Variants in TGFBI observed in about 807,000 individuals in gnomAD.
The protein encoded by TGFBI is transforming growth factor-beta-induced protein ig-h3.
A neutral mutation model predicts 73.7 loss-of-function variants in TGFBI; 50 were observed. That is an observed-to-expected ratio of 0.68 (90% CI 0.54 to 0.86). The LOEUF (loss-of-function observed/expected upper bound fraction) is 0.86. TGFBI is among the 40% of genes least tolerant of loss of function. The probability of loss-of-function intolerance (pLI) is 0.00; values close to 1 mark genes in which losing one functional copy is unlikely to be tolerated. For synonymous variants in TGFBI, 362 were observed against 360.5 expected (o/e 1.00, Z -0.05); for missense variants, 839 against 877.0 (o/e 0.96, Z 0.55).
chr5:136,057,160 T>A (rs1280559151), intron 12 of TGFBI, among the ~76,000 whole-genome samples: 1 of 152,150 alleles, frequency 6.6e-6, no homozygotes, highest in Admixed American at 6.5e-5. Context: ...ACAGTTGCCA[T>A]CTGGGTCTCT....
At chr5:136,052,807 C>T (rs1379470672) in intron 7 of TGFBI, 100 bp from the exon 8 acceptor site, 2 of 1,192,336 alleles carry the variant, frequency 1.7e-6, no homozygotes, top group Non-Finnish European at 2.4e-6. Flanking sequence ...GGGTCCTCAT[C>T]TGAGAGAACA....
intron 1 of TGFBI, 113 bp downstream of exon 1, chr5:136,029,302 T>C: frequency 3.2e-6 from 4 of 1,248,042 alleles, no homozygotes; most frequent in Non-Finnish European, 4.2e-6. Flanking sequence ...AAGCCCGAAC[T>C]AAAAACCTTG....
Position 136,063,316 on chromosome 5 carries a change from C to G in TGFBI, c.*90C>G. On this transcript the variant is annotated 3_prime_UTR_variant, in exon 17 of 17. Coordinates refer to ENST00000442011, the MANE Select transcript of TGFBI (RefSeq NM_000358.3). ...GAGACTGTTTGAATGTTTTCAAAAC[C>G]AAGTATCACACTTTAATGTACATGG... The G allele has an allele frequency of 3.3e-6, 4 of 1,204,592 alleles. No homozygotes were observed. The highest frequency in any genetic ancestry group is 1.3e-5 in the South Asian group (1 of 78,332). 74.6% of individuals were successfully genotyped at this position (1,204,592 alleles called of 1,614,324 possible). A position where few individuals can be genotyped will look rare whatever the true frequency, so the allele number is the denominator to read the frequency against.
rs1580714488 is a variant in TGFBI at position 136,046,659 on chromosome 5, T to A, written c.459+164T>A. 1.5e-5 allele frequency: 18 copies of A among 1,222,052 alleles called. No individual in the cohort carries two copies. The South Asian group carries it at 1.9e-4, about 13-fold the overall frequency. 75.7% of individuals were successfully genotyped at this position (1,222,052 alleles called of 1,614,324 possible). On this transcript the variant is annotated intron_variant, in intron 4 of 16. Coordinates refer to ENST00000442011, the MANE Select transcript of TGFBI (RefSeq NM_000358.3). The stretch of plus-strand genomic sequence containing the variant: ...TGTGGAACTTGAGCTAAAATATGTC[T>A]TACCAGGTTGCGTCTAATGCCCCCC...
intron 6 of TGFBI, chr5:136,047,655 A>C: frequency 1.8e-6 from 1 of 540,890 alleles, no homozygotes; most frequent in South Asian, 2.2e-5. Context: ...CCTCCCCTGG[A>C]AAGGTCAGTG....
Position 136,029,234 on chromosome 5 carries a change from C to A in TGFBI, c.134+45C>A. The A allele has an allele frequency of 2.1e-6, 3 of 1,424,690 alleles. No individual in the cohort carries two copies. In the South Asian group the frequency reaches 4.4e-5, roughly 21 times the overall value. The allele number at this position is 1,424,690 out of a possible 1,614,324, so 88.3% of individuals were successfully genotyped here. ...CAGGGGCTGCGGAAGGTCAGGTAGTCGGGGCTCGGAGCGCAAGCCGCTGGG... is the reference window on the plus strand; with the variant it reads ...CAGGGGCTGCGGAAGGTCAGGTAGTAGGGGCTCGGAGCGCAAGCCGCTGGG... On this transcript the variant is annotated intron_variant, in intron 1 of 16. Transcript: ENST00000442011.
At chr5:136,049,989 A>C (rs1401867785) in intron 7 of TGFBI, among the ~76,000 whole-genome samples, 3 of 152,162 alleles carry the variant, frequency 2.0e-5, no homozygotes, top group African/African-American at 7.2e-5. Flanking sequence ...ACGCTTCACT[A>C]TTCTTCTCTG....
intron 7 of TGFBI, among the ~76,000 whole-genome samples, chr5:136,051,436 AAAAC>A (rs1751530444): frequency 6.6e-6 from 1 of 151,912 alleles, no homozygotes; most frequent in African/African-American, 2.4e-5. Flanking sequence ...TCAAAAGAAA[AAAAC>A]AAAACAAAAC....
chr5:136,029,434 A>T (rs773115764), intron 1 of TGFBI, among the ~76,000 whole-genome samples: 1 of 152,214 alleles, frequency 6.6e-6, no homozygotes, highest in Admixed American at 6.5e-5. Context: ...GAAGTGGACC[A>T]GAGACTTTCG....
intron 10 of TGFBI, chr5:136,055,298 C>T (rs1320023496): frequency 4.5e-6 from 1 of 220,002 alleles, no homozygotes; most frequent in African/African-American, 2.3e-5. Flanking sequence ...GGAAGTACAA[C>T]TCAACATAGC....
intron 2 of TGFBI, among the ~76,000 whole-genome samples, chr5:136,035,161 A>G (rs1208457994): frequency 6.6e-6 from 1 of 152,202 alleles, no homozygotes; most frequent in African/African-American, 2.4e-5. Flanking sequence ...AGCTTGCTCC[A>G]TGCCTGATTG....
chr5:136,046,962 C>T lies in TGFBI; in HGVS notation c.571C>T (p.Leu191Phe). Residue 191 changes from leucine to phenylalanine, a missense_variant, in exon 5 of 17, where the codon CTC becomes TTC. Leu to Phe is a conservative substitution (Grantham distance 22). Transcript: ENST00000442011. ...LTDELKHGMT[L>F]TSMYQNSNIQ... ...TGATGAGCTGAAACACGGCATGACCCTCACCTCTATGTACCAGAATTCCAA... is the reference window on the plus strand; with the variant it reads ...TGATGAGCTGAAACACGGCATGACCTTCACCTCTATGTACCAGAATTCCAA... 2.5e-6 allele frequency: 4 copies of T among 1,613,734 alleles called. No individual in the cohort carries two copies. Among genetic ancestry groups the T allele is most frequent in the Non-Finnish European group, 3.4e-6 (4 of 1,179,852 alleles).
chr5:136,052,721 G>T (rs751419067), intron 7 of TGFBI, among the ~76,000 whole-genome samples, 186 bp from the exon 8 acceptor site: 5 of 152,206 alleles, frequency 3.3e-5, no homozygotes, highest in African/African-American at 4.8e-5. Context: ...TGGCCACAGG[G>T]CCCCAGCTGG....
chr5:136,029,035 C>T lies in TGFBI; in HGVS notation c.-21C>T, dbSNP rs1751055914. 2 of 1,517,696 alleles carry T rather than the reference C, an allele frequency of 1.3e-6. No homozygotes were observed. Among genetic ancestry groups the T allele is most frequent in the Admixed American group, 4.0e-5 (2 of 49,924 alleles). The allele number at this position is 1,517,696 out of a possible 1,614,324, so 94.0% of individuals were successfully genotyped here. On this transcript the variant is annotated 5_prime_UTR_variant, in exon 1 of 17. Transcript: ENST00000442011. ...CTTGCCCGTCGGTCGCTAGCTCGCT[C>T]GGTGCGCGTCGTCCCGCTCCATGGC...
rs1420006700 is a variant in TGFBI, at chr5:136,047,538, C to T, written c.771+118C>T. The T allele has an allele frequency of 1.0e-5, 13 of 1,260,946 alleles. No individual in the cohort carries two copies. The African/African-American group carries it at 1.3e-4, about 13-fold the overall frequency. 78.1% of individuals were successfully genotyped at this position (1,260,946 alleles called of 1,614,324 possible). ...ATGGCTCCTGTAGGGGAACATAGAGCAGGTTCCCCTGAATGCCCTTGAACA... is the reference window on the plus strand; with the variant it reads ...ATGGCTCCTGTAGGGGAACATAGAGTAGGTTCCCCTGAATGCCCTTGAACA... On this transcript the variant is annotated intron_variant, in intron 6 of 16. Transcript: ENST00000442011.
chr5:136,046,334 G>A lies in TGFBI; in HGVS notation c.299-1G>A, dbSNP rs1751425473. ...CCTCCTTCTGTCTTCTGCTCCTGCA[G>A]CCCTACCACTCTCAAACCTTTACGA... is the stretch of plus-strand genomic sequence containing the variant. On this transcript the variant is annotated splice_acceptor_variant, in intron 3 of 16. Coordinates refer to ENST00000442011, the MANE Select transcript of TGFBI (RefSeq NM_000358.3). LOFTEE classifies it high-confidence loss of function. 1.2e-6 allele frequency: 2 copies of A among 1,613,920 alleles called. No homozygotes were observed. The highest frequency in any genetic ancestry group is 1.7e-6 in the Non-Finnish European group (2 of 1,179,852).
intron 6 of TGFBI, 178 bp from the exon 7 acceptor site, chr5:136,049,261 C>T: frequency 1.4e-6 from 1 of 740,428 alleles, no homozygotes. Flanking sequence ...GAGCTCAGGC[C>T]CAGCAAGGCC....
intron 16 of TGFBI, 84 bp from the exon 17 acceptor site, chr5:136,063,102 C>T (rs1751778862): frequency 7.5e-7 from 1 of 1,335,370 alleles, no homozygotes; most frequent in Non-Finnish European, 1.1e-6. Flanking sequence ...GCTGCTTGGC[C>T]CTGGTCCTTG....
At chr5:136,037,095 T>G (rs1325315813) in intron 2 of TGFBI, among the ~76,000 whole-genome samples, 1 of 152,202 alleles carries the variant, frequency 6.6e-6, no homozygotes, top group Non-Finnish European at 1.5e-5. Flanking sequence ...GAAGCTCTGT[T>G]GCCTGCACAC....
Sources: gnomAD v4.1 joint callset for allele counts (sites outside exome capture counted in the v4.1 genomes callset) on GRCh38, gnomAD v4.1.1 for gene constraint, MANE v1.5 for transcripts, NCBI Gene and HGNC (gene_info 2026-07-23, HGNC 2026-07-21) for gene names.